STS: variants seen among roughly 807,000 people sequenced by gnomAD.
STS encodes steroid sulfatase, also known as steryl-sulfatase.
Under a neutral mutation model 26.8 loss-of-function variants are expected in STS, and 7 were observed. The ratio of observed to expected loss-of-function variants is 0.26; its 90% CI spans 0.15 to 0.49. The LOEUF is 0.49. Ranked by LOEUF, STS falls within the 20% of genes least tolerant of loss-of-function variation. The pLI, the probability that STS is intolerant of heterozygous loss-of-function variation, is 0.98. For missense variants in STS, 434 were observed against 465.6 expected, an observed-to-expected ratio of 0.93 and a Z score of 0.63; for synonymous variants, 199 against 189.4, an observed-to-expected ratio of 1.05 and a Z score of -0.42.
rs149063755 is a variant in STS, at chrX:7,202,402, T to A, written c.-5+11394T>A. Among the ~76,000 whole-genome samples, 10 of 111,311 alleles carry A rather than the reference T, an allele frequency of 9.0e-5. No homozygotes were observed. The East Asian group carries it at 2.8e-3, about 31-fold the overall frequency. ...TCTATTGACTACCTCTCTATCAGTA[T>A]TTAAGTATTATTAATTTTACCTCAT... On this transcript the variant is annotated intron_variant, in intron 2 of 10. Coordinates refer to ENST00000674429, the MANE Select transcript of STS (RefSeq NM_001320752.2).
chrX:7,187,792 T>G (rs1371611613), intron 1 of STS, among the ~76,000 whole-genome samples: 1 of 111,776 alleles, frequency 8.9e-6, no homozygotes, highest in African/African-American at 3.3e-5. Flanking sequence ...CATTTGGTTT[T>G]CAGGGCTTTT....
chrX:7,200,680 C>T (rs1934053819), intron 2 of STS, among the ~76,000 whole-genome samples: 2 of 111,447 alleles, frequency 1.8e-5, no homozygotes, highest in Admixed American at 1.9e-4. Flanking sequence ...GAACATATTT[C>T]CTTAGCTCTG....
At chrX:7,281,144 C>T (rs1345403407) in intron 7 of STS, among the ~76,000 whole-genome samples, 1 of 87,941 alleles carries the variant, frequency 1.1e-5, no homozygotes, top group African/African-American at 4.5e-5. Flanking sequence ...CCAGCCTGGG[C>T]AACAGAGTGA....
intron 2 of STS, among the ~76,000 whole-genome samples, chrX:7,201,082 A>C (rs1246975113): frequency 1.8e-5 from 2 of 111,318 alleles, no homozygotes; most frequent in Non-Finnish European, 3.8e-5. Context: ...AGGTAGATGG[A>C]TGGATAAATA....
chrX:7,176,693 A>G (rs1411432196), intron 1 of STS, among the ~76,000 whole-genome samples: 2 of 111,631 alleles, frequency 1.8e-5, no homozygotes, highest in Non-Finnish European at 3.8e-5. Flanking sequence ...GAACCGAGTG[A>G]AGGAGGAAGC....
At chrX:7,247,213 G>A (rs1361377921) in intron 2 of STS, among the ~76,000 whole-genome samples, 1 of 112,134 alleles carries the variant, frequency 8.9e-6, no homozygotes, top group East Asian at 2.8e-4. Context: ...AAACTCTTTT[G>A]CCCTATTTAT....
chrX:7,309,223 G>C (rs1926366418), intron 8 of STS, among the ~76,000 whole-genome samples: 1 of 111,701 alleles, frequency 9.0e-6, no homozygotes, highest in South Asian at 3.7e-4. Flanking sequence ...AAAAAAGAAT[G>C]AGATCATGTC....
intron 8 of STS, among the ~76,000 whole-genome samples, chrX:7,323,097 G>A (rs1168053073): frequency 1.8e-5 from 2 of 111,733 alleles, no homozygotes; most frequent in Non-Finnish European, 3.8e-5. Flanking sequence ...TAATAATCAC[G>A]TGGAAACATA....
At chrX:7,213,691 A>G (rs1440702081) in intron 2 of STS, among the ~76,000 whole-genome samples, 1 of 111,694 alleles carries the variant, frequency 9.0e-6, no homozygotes, top group Non-Finnish European at 1.9e-5. Flanking sequence ...GAAAGGAACA[A>G]TTTACAGTCA....
At chrX:7,288,355 A>T (rs1925245513) in intron 7 of STS, among the ~76,000 whole-genome samples, 1 of 109,801 alleles carries the variant, frequency 9.1e-6, no homozygotes, top group Non-Finnish European at 1.9e-5. Context: ...AGTGTTTCAG[A>T]TTTGGAATGC....
Position 7,257,594 on chromosome X carries a change from G to A in STS, c.382+6G>A, listed in dbSNP as rs577908481. On this transcript the variant is annotated splice_donor_region_variant and intron_variant, in intron 5 of 10. Coordinates refer to ENST00000674429, the MANE Select transcript of STS (RefSeq NM_001320752.2). Reference sequence around the variant, plus strand: ...TTATTCAACAGCACTGATAGGTATGGACATCTATGGGATGGGAACCATCTA... The same window carrying A: ...TTATTCAACAGCACTGATAGGTATGAACATCTATGGGATGGGAACCATCTA... The A allele has an allele frequency of 1.7e-6, 2 of 1,211,670 alleles. No homozygotes were observed. The highest frequency in any genetic ancestry group is 1.7e-5 in the African/African-American group (1 of 57,951).
chrX:7,350,208 G>T lies in STS; in HGVS notation c.1684G>T (p.Gly562Cys), dbSNP rs1367891385. Residue 562 changes from glycine to cysteine, a missense_variant, in exon 11 of 11, where the codon GGC becomes TGC. By Grantham distance (159) the Gly-to-Cys change is radical. Around this residue, in one of 2 missense-constraint regions of STS, gnomAD observed 205 missense variants for 177.3 expected, o/e 1.16. Transcript: ENST00000674429. ...GCTTCAGCTGTGCTGTCCTTCCACC[G>T]GCCTGTCTTGCCAGTGTGATAGAGA... is the stretch of plus-strand genomic sequence containing the variant. ...PWLQLCCPSTGLSCQCDREKQ... is the reference protein window; with the variant it reads ...PWLQLCCPSTCLSCQCDREKQ... 8.3e-7 allele frequency: 1 copy of T among 1,211,342 alleles called. No homozygotes were observed. The highest frequency in any genetic ancestry group is 2.2e-5 in the Admixed American group (1 of 46,028).
intron 2 of STS, among the ~76,000 whole-genome samples, chrX:7,195,131 G>C (rs58501690): frequency 8.9e-6 from 1 of 112,140 alleles, no homozygotes; most frequent in East Asian, 2.8e-4. Flanking sequence ...TATAAAATAA[G>C]TGTGGAGGCC....
At chrX:7,196,793 T>G (rs1299235700) in intron 2 of STS, among the ~76,000 whole-genome samples, 1 of 111,982 alleles carries the variant, frequency 8.9e-6, no homozygotes, top group East Asian at 2.8e-4. Flanking sequence ...TCTTCATGTC[T>G]TAGGTATGCA....
At chrX:7,296,766 C>T (rs151133386) in intron 7 of STS, among the ~76,000 whole-genome samples, 181 of 112,101 alleles carry the variant, frequency 1.6e-3, no homozygotes, top group African/African-American at 5.7e-3. Context: ...GGAGTAGATC[C>T]GTGAAGGCAT....
chrX:7,227,608 C>T (rs1921872182), intron 2 of STS, among the ~76,000 whole-genome samples: 1 of 111,022 alleles, frequency 9.0e-6, no homozygotes. Flanking sequence ...GGCCAAGTTT[C>T]CAAGCAAAAG....
At chrX:7,205,921 C>T in intron 2 of STS, among the ~76,000 whole-genome samples, 1 of 110,372 alleles carries the variant, frequency 9.1e-6, no homozygotes, top group Non-Finnish European at 1.9e-5. Context: ...CGGTGGAAAT[C>T]ATTTTTCCTC....
At chrX:7,170,687 T>C (rs1237877890) in intron 1 of STS, among the ~76,000 whole-genome samples, 6 of 110,979 alleles carry the variant, frequency 5.4e-5, no homozygotes, top group Middle Eastern at 4.6e-3. Context: ...GGTCTCACTA[T>C]GTTGCTCATG....
Position 7,353,285 on chromosome X carries a change from C to T in STS, c.*3024C>T, listed in dbSNP as rs1243908605. The T allele has an allele frequency of 9.1e-6, 1 of 110,098 alleles. No individual in the cohort carries two copies. The highest frequency in any genetic ancestry group is 3.3e-5 in the African/African-American group (1 of 30,290). The allele number at this position is 110,098 out of a possible 1,213,427, so 9.1% of individuals were successfully genotyped here. On this transcript the variant is annotated 3_prime_UTR_variant, in exon 11 of 11. Coordinates refer to ENST00000674429, the MANE Select transcript of STS (RefSeq NM_001320752.2). Reference sequence around the variant, plus strand: ...CATGATCCGAGAGTGGGAAAAGGCCCGATTATTACCCATAAGGCACACTCT... The same window carrying T: ...CATGATCCGAGAGTGGGAAAAGGCCTGATTATTACCCATAAGGCACACTCT...
Sources: gnomAD v4.1 joint callset for allele counts (sites outside exome capture counted in the v4.1 genomes callset) on GRCh38, gnomAD v4.1.1 for gene constraint, gnomAD v4.1.1 regional missense constraint, MANE v1.5 for transcripts, NCBI Gene and HGNC (gene_info 2026-07-23, HGNC 2026-07-21) for gene names.